Variants in TAFA2 observed in about 807,000 individuals in gnomAD.
TAFA2 encodes TAFA chemokine like family member 2.
A neutral mutation model predicts 18.8 loss-of-function variants in TAFA2; 7 were observed. That is an observed-to-expected ratio of 0.37 (90% CI 0.21 to 0.70). The LOEUF (loss-of-function observed/expected upper bound fraction) is 0.70. Among genes scored for constraint, TAFA2 ranks in the 30% least tolerant of loss-of-function variants. TAFA2 has a pLI of 0.53. For missense variants in TAFA2, 122 were observed against 158.1 expected (o/e 0.77, Z 1.23); for synonymous variants, 60 against 54.2 (o/e 1.11, Z -0.47).
chr12:62,099,754 G>A (rs965461028), intron 1 of TAFA2, among the ~76,000 whole-genome samples: 6 of 152,038 alleles, frequency 3.9e-5, no homozygotes, highest in Non-Finnish European at 8.8e-5. Flanking sequence ...TCCCAGCCCC[G>A]TGGCACCCCT....
chr12:62,223,327 C>T (rs867058195), intron 1 of TAFA2, among the ~76,000 whole-genome samples: 56 of 152,194 alleles, frequency 3.7e-4, no homozygotes, highest in Middle Eastern at 3.4e-3. Flanking sequence ...CACAAGCATG[C>T]GCCAACCATC....
intron 4 of TAFA2, among the ~76,000 whole-genome samples, chr12:61,741,375 G>A (rs1868440210): frequency 6.6e-6 from 1 of 151,700 alleles, no homozygotes; most frequent in Non-Finnish European, 1.5e-5. Context: ...ATATATATGT[G>A]TATGAAGATA....
At position 62,180,398 on chromosome 12, in the gene TAFA2, ATAT is replaced by A. The variant is rs749716138; in HGVS notation, c.-2+10858_-2+10860del. Among the ~76,000 whole-genome samples, 4 of 152,194 alleles carry A rather than the reference ATAT, an allele frequency of 2.6e-5. No individual in the cohort carries two copies. The East Asian group carries it at 7.7e-4, about 29-fold the overall frequency. On this transcript the variant is annotated intron_variant, in intron 1 of 4. Coordinates refer to ENST00000416284, the MANE Select transcript of TAFA2 (RefSeq NM_178539.5). ...TGAGAATCATCAGAGAATCCCAAAA[ATAT>A]TATACTTCAAAGACTAAAGACATCA...
At chr12:61,828,788 G>T (rs1872614730) in intron 2 of TAFA2, among the ~76,000 whole-genome samples, 1 of 151,706 alleles carries the variant, frequency 6.6e-6, no homozygotes, top group African/African-American at 2.4e-5. Context: ...CATAGTTCAA[G>T]AATTTTTTAG....
chr12:61,789,946 C>T (rs1368922597), intron 2 of TAFA2, among the ~76,000 whole-genome samples: 1 of 151,708 alleles, frequency 6.6e-6, no homozygotes, highest in Non-Finnish European at 1.5e-5. Context: ...CCTGAGTGAA[C>T]ATAGATGCAA....
chr12:61,886,091 A>AG (rs1592460827), intron 1 of TAFA2, among the ~76,000 whole-genome samples: 1 of 152,180 alleles, frequency 6.6e-6, no homozygotes, highest in African/African-American at 2.4e-5. Flanking sequence ...GCTTTGGGTA[A>AG]GGCCTCCCTT....
intron 1 of TAFA2, among the ~76,000 whole-genome samples, chr12:61,994,062 A>G (rs911254991): frequency 1.3e-5 from 2 of 152,154 alleles, no homozygotes; most frequent in Non-Finnish European, 2.9e-5. Context: ...CTTTTAAGTA[A>G]TACAATTAGA....
chr12:61,797,573 C>G (rs888555665), intron 2 of TAFA2, among the ~76,000 whole-genome samples: 5 of 152,034 alleles, frequency 3.3e-5, no homozygotes, highest in African/African-American at 1.2e-4. Flanking sequence ...AAATATAAAA[C>G]CACAGATGGA....
chr12:62,059,254 C>T (rs1882281299), intron 1 of TAFA2, among the ~76,000 whole-genome samples: 2 of 151,330 alleles, frequency 1.3e-5, no homozygotes, highest in Admixed American at 1.3e-4. Flanking sequence ...GAGCTTGAGG[C>T]TCCGGTGATC....
chr12:62,141,778 G>C (rs2062241522), intron 1 of TAFA2, among the ~76,000 whole-genome samples: 1 of 152,124 alleles, frequency 6.6e-6, no homozygotes, highest in Non-Finnish European at 1.5e-5. Flanking sequence ...AGTTAGTTCT[G>C]CACAGGGCTT....
intron 1 of TAFA2, among the ~76,000 whole-genome samples, chr12:62,256,960 G>A (rs1210740237): frequency 5.3e-5 from 8 of 152,058 alleles, no homozygotes; most frequent in Admixed American, 5.2e-4. Context: ...AGGTGAGTAA[G>A]AATGAGGGGG....
intron 1 of TAFA2, chr12:62,252,203 T>C (rs2062917444): frequency 6.6e-6 from 1 of 152,224 alleles, no homozygotes; most frequent in Non-Finnish European, 1.5e-5. Context: ...AATACTTTAC[T>C]AGTCAATTTA....
At chr12:62,039,784 A>G (rs921005361) in intron 1 of TAFA2, among the ~76,000 whole-genome samples, 1 of 152,182 alleles carries the variant, frequency 6.6e-6, no homozygotes, top group Admixed American at 6.6e-5. Context: ...ATACCCGATC[A>G]AATTCAGTAC....
rs551354212 is a variant in TAFA2 at position 61,812,531 on chromosome 12, T to C, written c.106+54789A>G. 1.7e-3 allele frequency among the ~76,000 whole-genome samples: 253 copies of C among 149,980 alleles called. 3 individuals are homozygous for C. The highest frequency in any genetic ancestry group is 3.4e-3 in the Non-Finnish European group (228 of 67,826). ...CAACCTAAGACCCCCAAACATGACA[T>C]CCCCCGAACATGAACAATAAAATTA... On this transcript the variant is annotated intron_variant, in intron 2 of 4. Coordinates refer to ENST00000416284, the MANE Select transcript of TAFA2 (RefSeq NM_178539.5).
chr12:62,125,950 A>C (rs1870439558), intron 1 of TAFA2, among the ~76,000 whole-genome samples: 1 of 152,118 alleles, frequency 6.6e-6, no homozygotes. Context: ...GGCATATAAT[A>C]AGTGAATCTG....
intron 1 of TAFA2, among the ~76,000 whole-genome samples, chr12:62,225,431 G>T (rs1481925356): frequency 2.0e-5 from 3 of 152,040 alleles, no homozygotes; most frequent in Admixed American, 2.0e-4. Context: ...GAGAAAAACT[G>T]TTATAATCTT....
At chr12:62,095,615 G>A (rs1355092865) in intron 1 of TAFA2, among the ~76,000 whole-genome samples, 1 of 152,054 alleles carries the variant, frequency 6.6e-6, no homozygotes, top group Non-Finnish European at 1.5e-5. Flanking sequence ...CCTATAAATG[G>A]TTAAAAAGCA....
At chr12:61,767,393 AGT>A (rs1487989067) in intron 2 of TAFA2, among the ~76,000 whole-genome samples, 1 of 152,148 alleles carries the variant, frequency 6.6e-6, no homozygotes, top group Non-Finnish European at 1.5e-5. Flanking sequence ...AATATTAAGA[AGT>A]GATTATTCCC....
chr12:61,748,012 C>G (rs866417043), intron 4 of TAFA2, among the ~76,000 whole-genome samples: 4 of 151,950 alleles, frequency 2.6e-5, no homozygotes, highest in African/African-American at 4.8e-5. Flanking sequence ...GCTATCAGTT[C>G]TATGAATTGG....
Sources: gnomAD v4.1 joint callset for allele counts (sites outside exome capture counted in the v4.1 genomes callset) on GRCh38, gnomAD v4.1.1 for gene constraint, MANE v1.5 for transcripts, NCBI Gene and HGNC (gene_info 2026-07-23, HGNC 2026-07-21) for gene names.